ARFGEF1: variants seen among roughly 807,000 people sequenced by gnomAD.
ARFGEF1 encodes ARF guanine nucleotide exchange factor 1.
In ARFGEF1, 42 loss-of-function variants were observed where a neutral mutation model predicts 231.0. That is an observed-to-expected ratio of 0.18 (90% CI 0.14 to 0.24). The LOEUF is 0.24. Ranked by LOEUF, ARFGEF1 falls within the 10% of genes least tolerant of loss-of-function variation. ARFGEF1 has a pLI of 1.00. For missense variants in ARFGEF1, 1,345 were observed against 2,192.0 expected, an observed-to-expected ratio of 0.61 and a Z score of 7.72; for synonymous variants, 710 against 732.3, an observed-to-expected ratio of 0.97 and a Z score of 0.49.
At chr8:67,202,300 C>T (rs1024932549) in intron 36 of ARFGEF1, among the ~76,000 whole-genome samples, 6 of 151,860 alleles carry the variant, frequency 4.0e-5, no homozygotes, top group Non-Finnish European at 7.4e-5. Flanking sequence ...CACTGTGTTG[C>T]CCAGGCTGGA....
intron 19 of ARFGEF1, among the ~76,000 whole-genome samples, chr8:67,248,946 T>A (rs1304241565): frequency 6.7e-6 from 1 of 149,892 alleles, no homozygotes; most frequent in Non-Finnish European, 1.5e-5. Context: ...TTGTTTCTAA[T>A]AAGATAAACT....
chr8:67,284,096 TG>T (rs1805649775), intron 7 of ARFGEF1, among the ~76,000 whole-genome samples: 1 of 152,136 alleles, frequency 6.6e-6, no homozygotes, highest in Non-Finnish European at 1.5e-5. Flanking sequence ...AACAGGGGGC[TG>T]GCTGAATAAA....
intron 34 of ARFGEF1, chr8:67,206,949 G>A (rs1005259525): frequency 6.6e-6 from 1 of 152,120 alleles, no homozygotes; most frequent in Non-Finnish European, 1.5e-5. Flanking sequence ...AGGGATTTTG[G>A]GGGGCAGAAA....
In ARFGEF1 at chr8:67,268,536, A is replaced by T. The variant is rs146422199; in HGVS notation, c.1573-1094T>A. 6.6e-5 allele frequency among the ~76,000 whole-genome samples: 10 copies of T among 152,242 alleles called. No homozygotes were observed. The East Asian group carries it at 1.9e-3, about 29-fold the overall frequency. On this transcript the variant is annotated intron_variant, in intron 10 of 38. Coordinates refer to ENST00000262215, the MANE Select transcript of ARFGEF1 (RefSeq NM_006421.5). ...CATGGTTTCAAATAAATCACACTACATTCCCTTCAATGACATAATTATCTC... is the reference window on the plus strand; with the variant it reads ...CATGGTTTCAAATAAATCACACTACTTTCCCTTCAATGACATAATTATCTC...
chr8:67,272,554 T>C (rs942765636), intron 9 of ARFGEF1, among the ~76,000 whole-genome samples: 1 of 152,228 alleles, frequency 6.6e-6, no homozygotes. Context: ...AGTGTGAAGA[T>C]ATATGTTGTG....
intron 14 of ARFGEF1, among the ~76,000 whole-genome samples, chr8:67,263,761 A>T (rs1804735458): frequency 6.6e-6 from 1 of 152,222 alleles, no homozygotes; most frequent in East Asian, 1.9e-4. Flanking sequence ...TAATGGAAGA[A>T]ACACAATTTT....
intron 2 of ARFGEF1, among the ~76,000 whole-genome samples, chr8:67,301,735 T>G (rs1314358327): frequency 2.6e-5 from 4 of 152,208 alleles, no homozygotes; most frequent in Non-Finnish European, 5.9e-5. Flanking sequence ...TGTCCTTAAG[T>G]CAAAGTGAGT....
chr8:67,339,601 T>A (rs1222908979), intron 1 of ARFGEF1, among the ~76,000 whole-genome samples: 1 of 151,780 alleles, frequency 6.6e-6, no homozygotes, highest in Non-Finnish European at 1.5e-5. Context: ...TGTTGTCTCA[T>A]CTGCCAGCAG....
intron 1 of ARFGEF1, among the ~76,000 whole-genome samples, chr8:67,315,547 T>G (rs1807272667): frequency 2.0e-5 from 3 of 152,164 alleles, no homozygotes; most frequent in African/African-American, 7.2e-5. Context: ...ACAGAGTGTG[T>G]TCTTTTTTTC....
At chr8:67,203,603 G>A (rs1415892435) in intron 35 of ARFGEF1, among the ~76,000 whole-genome samples, 2 of 152,184 alleles carry the variant, frequency 1.3e-5, no homozygotes, top group Non-Finnish European at 2.9e-5. Context: ...AAATGGCCAT[G>A]TCATCATGTG....
chr8:67,255,093 C>G (rs1216936059), intron 17 of ARFGEF1, among the ~76,000 whole-genome samples: 1 of 152,174 alleles, frequency 6.6e-6, no homozygotes, highest in African/African-American at 2.4e-5. Flanking sequence ...AGAGAAAAGT[C>G]TTGACAGAAA....
chr8:67,246,947 T>C (rs1350010136), intron 19 of ARFGEF1, among the ~76,000 whole-genome samples: 1 of 150,202 alleles, frequency 6.7e-6, no homozygotes, highest in Non-Finnish European at 1.5e-5. Flanking sequence ...CAAAGGATTC[T>C]TAGTGGCTAC....
In ARFGEF1 at chr8:67,199,104, G is replaced by T. The variant is rs1160577318; in HGVS notation, c.5386-6C>A. On this transcript the variant is annotated splice_polypyrimidine_tract_variant and splice_region_variant and intron_variant, in intron 38 of 38. Coordinates refer to ENST00000262215, the MANE Select transcript of ARFGEF1 (RefSeq NM_006421.5). ...AATGATGCATGAGCTTTAAACTGCAGGGAAAATGAATTTCTCCATTAGTAG... is the reference window on the plus strand; with the variant it reads ...AATGATGCATGAGCTTTAAACTGCATGGAAAATGAATTTCTCCATTAGTAG... 1 of 1,602,290 alleles carries T rather than the reference G, an allele frequency of 6.2e-7. No individual in the cohort carries two copies. The highest frequency in any genetic ancestry group is 8.5e-7 in the Non-Finnish European group (1 of 1,177,130).
intron 34 of ARFGEF1, among the ~76,000 whole-genome samples, chr8:67,208,854 A>G (rs1838618579): frequency 6.6e-6 from 1 of 152,242 alleles, no homozygotes; most frequent in African/African-American, 2.4e-5. Flanking sequence ...AAGATGGTTA[A>G]CAACACTAAT....
intron 25 of ARFGEF1, 41 bp downstream of exon 25, chr8:67,227,922 T>C: frequency 6.9e-6 from 10 of 1,454,936 alleles, no homozygotes; most frequent in Non-Finnish European, 9.1e-6. Flanking sequence ...AAACAAAAAA[T>C]ATACTACAAA....
At chr8:67,262,329 A>G (rs1253893448) in intron 14 of ARFGEF1, among the ~76,000 whole-genome samples, 2 of 152,040 alleles carry the variant, frequency 1.3e-5, no homozygotes, top group Non-Finnish European at 2.9e-5. Flanking sequence ...TGTGAAGATG[A>G]CACTGAATTG....
At chr8:67,238,931 A>G (rs748245518) in intron 20 of ARFGEF1, 38 bp from the exon 21 acceptor site, 20 of 1,549,202 alleles carry the variant, frequency 1.3e-5, no homozygotes, top group South Asian at 7.1e-5. Context: ...ACAGTTCTAA[A>G]TAGAGCAGAC....
chr8:67,306,749 G>A (rs549028646), intron 1 of ARFGEF1, among the ~76,000 whole-genome samples: 4 of 152,138 alleles, frequency 2.6e-5, no homozygotes, highest in Non-Finnish European at 4.4e-5. Context: ...GAAAGCTCTC[G>A]AAAGCAAATG....
At position 67,179,817 on chromosome 8, in the gene ARFGEF1, G is replaced by C. The variant is rs759465019; in HGVS notation, c.561-4245C>G. ...TTCTTAGTATAAATTTGTTGTTTTT[G>C]TACACAAAACTAATAAAAATAGTCA... On this transcript the variant is annotated intron_variant, in intron 5 of 5. Transcript: ENST00000518789. The C allele has an allele frequency of 2.2e-6, 3 of 1,347,048 alleles. No homozygotes were observed. The African/African-American group carries it at 4.3e-5, about 20-fold the overall frequency. The allele number at this position is 1,347,048 out of a possible 1,614,324, so 83.4% of individuals were successfully genotyped here.
Sources: allele counts gnomAD v4.1 joint callset (sites outside exome capture counted in the v4.1 genomes callset), GRCh38; gene constraint gnomAD v4.1.1; transcripts MANE v1.5; gene names NCBI Gene and HGNC (gene_info 2026-07-23, HGNC 2026-07-21).